Variants in EARS2 observed in about 807,000 individuals in gnomAD.
EARS2 encodes the protein nondiscriminating glutamyl-tRNA synthetase EARS2, mitochondrial.
In EARS2, 50 loss-of-function variants were observed where a neutral mutation model predicts 54.1. The observed-to-expected ratio is 0.92, with a 90% CI of 0.74 to 1.17. The LOEUF is 1.17. Ranked by LOEUF, EARS2 falls within the 50% of genes most tolerant of loss-of-function variation. The probability of loss-of-function intolerance (pLI) is 0.00; values close to 1 mark genes in which losing one functional copy is unlikely to be tolerated. For missense variants in EARS2, 673 were observed against 675.0 expected (o/e 1.00, Z 0.03); for synonymous variants, 298 against 281.0 (o/e 1.06, Z -0.61).
Position 23,547,895 on chromosome 16 carries a change from G to A in EARS2, c.296-3192C>T, listed in dbSNP as rs373676445. 3.0e-4 allele frequency among the ~76,000 whole-genome samples: 45 copies of A among 149,478 alleles called. 1 individual carries two copies. Among genetic ancestry groups the A allele is most frequent in the East Asian group, 1.0e-3 (5 of 4,992 alleles). The stretch of plus-strand genomic sequence containing the variant: ...GTGGATCATTTGAGCTCAGGAGTTC[G>A]AAACCAGCCTGGGCAACATGGTGAA... On this transcript the variant is annotated intron_variant, in intron 2 of 8. Coordinates refer to ENST00000449606, the MANE Select transcript of EARS2 (RefSeq NM_001083614.2).
At position 23,546,136 on chromosome 16, in the gene EARS2, T is replaced by C. The variant is rs907885906; in HGVS notation, c.296-1433A>G. Among the ~76,000 whole-genome samples, 6 of 152,182 alleles carry C rather than the reference T, an allele frequency of 3.9e-5. No homozygotes were observed. In the East Asian group the frequency reaches 5.8e-4, roughly 15 times the overall value. ...TTTAGGACAGTTTCAATATATGCTA[T>C]AGAATAGATTAAATATGATCTACTG... On this transcript the variant is annotated intron_variant, in intron 2 of 8. Transcript: ENST00000449606.
chr16:23,540,482 T>A (rs1029287206), intron 3 of EARS2, among the ~76,000 whole-genome samples: 3 of 152,222 alleles, frequency 2.0e-5, no homozygotes, highest in Non-Finnish European at 4.4e-5. Flanking sequence ...TGTAAACAAG[T>A]AAAGGGCCAG....
Position 23,544,560 on chromosome 16 carries a change from G to A in EARS2, c.439C>T (p.Leu147=). Residue 147 remains leucine (L), a synonymous_variant, in exon 3 of 9, where the codon CTG becomes TTG. Transcript: ENST00000449606. ...AAGGCCTCCTTCTTCAGGAGCTCCA[G>A]CCGCTGGGGTGAGCAGAAACAGGGG... ...AYPCFCSPQR[L]ELLKKEALRN... 6.2e-7 allele frequency: 1 copy of A among 1,614,188 alleles called. No homozygotes were observed. The highest frequency in any genetic ancestry group is 8.5e-7 in the Non-Finnish European group (1 of 1,180,020).
intron 5 of EARS2, among the ~76,000 whole-genome samples, chr16:23,531,048 C>A (rs558682859): frequency 1.2e-3 from 186 of 149,860 alleles, no homozygotes; most frequent in African/African-American, 4.5e-3. Context: ...CCCGCCACGT[C>A]GGGCTGATTT....
chr16:23,537,242 T>A (rs888499155), intron 3 of EARS2: 1 of 157,014 alleles, frequency 6.4e-6, no homozygotes, highest in Non-Finnish European at 1.4e-5. Context: ...GTAAACATAA[T>A]AACATGTTTA....
At chr16:23,552,126 G>A in intron 2 of EARS2, 23 bp downstream of exon 2, 1 of 1,608,534 alleles carries the variant, frequency 6.2e-7, no homozygotes, top group Non-Finnish European at 8.5e-7. Context: ...CCTGCAGAAA[G>A]ATCCTTTCTC....
At chr16:23,530,794 T>G (rs1010592032) in intron 5 of EARS2, among the ~76,000 whole-genome samples, 7 of 152,134 alleles carry the variant, frequency 4.6e-5, no homozygotes, top group African/African-American at 1.7e-4. Flanking sequence ...AAGGATCACT[T>G]CAGCCTGGGA....
At chr16:23,534,506 T>C (rs542411959) in intron 4 of EARS2, among the ~76,000 whole-genome samples, 4 of 152,306 alleles carry the variant, frequency 2.6e-5, no homozygotes, top group East Asian at 1.9e-4. Flanking sequence ...CTTGTAATAA[T>C]TGTCACAATC....
chr16:23,549,128 G>T (rs1016884728), intron 2 of EARS2, among the ~76,000 whole-genome samples: 4 of 152,142 alleles, frequency 2.6e-5, no homozygotes, highest in Admixed American at 6.5e-5. Context: ...CAGACTACAG[G>T]AGAAAGAGAG....
chr16:23,557,344 G>A lies in EARS2; in HGVS notation c.-1C>T, dbSNP rs761531787. On this transcript the variant is annotated 5_prime_UTR_variant, in exon 1 of 9. Coordinates refer to ENST00000449606, the MANE Select transcript of EARS2 (RefSeq NM_001083614.2). ...GCAGTCTCCTCAGGAGCGCCGCCATGTGGGATGGAATAGCACACGTGGGCT... is the reference window on the plus strand; with the variant it reads ...GCAGTCTCCTCAGGAGCGCCGCCATATGGGATGGAATAGCACACGTGGGCT... 1.3e-6 allele frequency: 2 copies of A among 1,543,526 alleles called. No individual in the cohort carries two copies. Among genetic ancestry groups the A allele is most frequent in the Non-Finnish European group, 1.7e-6 (2 of 1,150,930 alleles).
intron 3 of EARS2, among the ~76,000 whole-genome samples, chr16:23,536,648 C>A (rs541657098): frequency 6.7e-6 from 1 of 149,072 alleles, no homozygotes; most frequent in African/African-American, 2.5e-5. Context: ...GGTGACACAG[C>A]GAGACCCTGT....
intron 3 of EARS2, among the ~76,000 whole-genome samples, chr16:23,539,002 G>C (rs1171984676): frequency 7.0e-6 from 1 of 142,738 alleles, no homozygotes; most frequent in Non-Finnish European, 1.5e-5. Flanking sequence ...TTTTGAGACA[G>C]GGTCTCATTC....
chr16:23,540,221 C>A (rs1965490524), intron 3 of EARS2, among the ~76,000 whole-genome samples: 1 of 152,112 alleles, frequency 6.6e-6, no homozygotes, highest in Non-Finnish European at 1.5e-5. Context: ...ACTTGAGAGG[C>A]TGAGGATGTA....
At chr16:23,534,783 T>C (rs1426886675) in intron 4 of EARS2, 105 bp downstream of exon 4, 2 of 966,800 alleles carry the variant, frequency 2.1e-6, no homozygotes, top group African/African-American at 1.6e-5. Context: ...GTCACCTGGC[T>C]GGTAGGTGGC....
chr16:23,535,033 G>C lies in EARS2; in HGVS notation c.813C>G (p.Phe271Leu), dbSNP rs149664520. 6.2e-7 allele frequency: 1 copy of C among 1,610,942 alleles called. No homozygotes were observed. Among genetic ancestry groups the C allele is most frequent in the Middle Eastern group, 1.9e-4 (1 of 5,404 alleles). The part of the protein sequence containing the change: ...YQALGWQPPH[F>L]AHLPLLLNRD... ...TGTTGAGGAGCAGGGGCAGGTGGGC[G>C]AAGTGGGGTGGCTGCCAGCCCAGGG... is the stretch of plus-strand genomic sequence containing the variant. The change falls in exon 4 of 9, where the codon TTC (phenylalanine) becomes TTG (leucine). Residue 271 changes from phenylalanine to leucine, a missense_variant. Around this residue, in one of 3 missense-constraint regions of EARS2, gnomAD observed 338 missense variants for 361.2 expected, o/e 0.94. Transcript: ENST00000449606.
At chr16:23,544,741 A>G (rs1017450826) in intron 2 of EARS2, 38 bp from the exon 3 acceptor site, 30 of 1,538,406 alleles carry the variant, frequency 2.0e-5, no homozygotes, top group Non-Finnish European at 2.6e-5. Context: ...AGGTGCACAC[A>G]GCGCTCGTTC....
chr16:23,525,506 A>T, intron 7 of EARS2, 127 bp from the exon 8 acceptor site: 1 of 1,104,600 alleles, frequency 9.1e-7, no homozygotes, highest in East Asian at 2.4e-5. Flanking sequence ...GCCTGTTTTG[A>T]GGGAGGTGAG....
chr16:23,556,983 A>T (rs958849606), intron 1 of EARS2: 4 of 743,664 alleles, frequency 5.4e-6, no homozygotes, highest in Non-Finnish European at 9.3e-6. Flanking sequence ...AAAAAGATCG[A>T]AAGAGATGGG....
In EARS2 at chr16:23,529,457, G is replaced by C. The variant is rs531652112; in HGVS notation, c.1352+45C>G. ...GAAAGAGAGCCATGGGACAGAGAGA[G>C]GGAAGGAGGGTGTGGAACCCTGAGC... is the stretch of plus-strand genomic sequence containing the variant. On this transcript the variant is annotated intron_variant, in intron 7 of 8. Coordinates refer to ENST00000449606, the MANE Select transcript of EARS2 (RefSeq NM_001083614.2). 7 of 1,596,574 alleles carry C rather than the reference G, an allele frequency of 4.4e-6. No homozygotes were observed. The East Asian group carries it at 9.0e-5, about 21-fold the overall frequency.
Sources: gnomAD v4.1 joint callset for allele counts (sites outside exome capture counted in the v4.1 genomes callset) on GRCh38, gnomAD v4.1.1 for gene constraint, gnomAD v4.1.1 regional missense constraint, MANE v1.5 for transcripts, NCBI Gene and HGNC (gene_info 2026-07-23, HGNC 2026-07-21) for gene names.